CDH7: variants seen among roughly 807,000 people sequenced by gnomAD.
CDH7 encodes cadherin-7.
Under a neutral mutation model 71.8 loss-of-function variants are expected in CDH7, and 25 were observed. That is an observed-to-expected ratio of 0.35 (90% CI 0.25 to 0.49). The LOEUF (loss-of-function observed/expected upper bound fraction) is 0.49, where lower values mean the gene tolerates loss of function less well. CDH7 is among the 20% of genes least tolerant of loss of function. The pLI, the probability that CDH7 is intolerant of heterozygous loss-of-function variation, is 0.99. For synonymous variants in CDH7, 381 were observed against 363.8 expected (o/e 1.05, Z -0.54); for missense variants, 862 against 974.6 (o/e 0.88, Z 1.54).
chr18:65,845,850 G>A (rs1362106501), intron 7 of CDH7, among the ~76,000 whole-genome samples: 1 of 151,980 alleles, frequency 6.6e-6, no homozygotes, highest in Non-Finnish European at 1.5e-5. Flanking sequence ...TTGAGACCAG[G>A]AGTTCTAGAC....
At chr18:65,842,297 A>T (rs898460898) in intron 6 of CDH7, among the ~76,000 whole-genome samples, 2 of 152,112 alleles carry the variant, frequency 1.3e-5, no homozygotes, top group African/African-American at 4.8e-5. Context: ...AGGGCTTCAA[A>T]TCTAGTGGCT....
chr18:65,844,035 A>G lies in CDH7; in HGVS notation c.1205A>G (p.His402Arg). 1 of 1,611,248 alleles carries G rather than the reference A, an allele frequency of 6.2e-7. No homozygotes were observed. The highest frequency in any genetic ancestry group is 8.5e-7 in the Non-Finnish European group (1 of 1,177,700). The change falls in exon 7 of 12, where the codon CAT becomes CGT. Residue 402 changes from histidine to arginine, a missense_variant. By Grantham distance (29) the His-to-Arg change is conservative (BLOSUM62 0). Coordinates refer to ENST00000397968, the MANE Select transcript of CDH7 (RefSeq NM_004361.5). ...AATATCATTGGCACTGTAGCAGCTC[A>G]TGACCCAGATTCTTCCAATAGCCCT... is the stretch of plus-strand genomic sequence containing the variant. ...VGNIIGTVAA[H>R]DPDSSNSPVR...
At chr18:65,764,538 G>T (rs1342984621) in intron 2 of CDH7, among the ~76,000 whole-genome samples, 1 of 151,922 alleles carries the variant, frequency 6.6e-6, no homozygotes, top group African/African-American at 2.4e-5. Context: ...AAATTGAGAG[G>T]AGTAACCGTA....
chr18:65,880,531 G>C lies in CDH7; in HGVS notation c.1995G>C (p.Ala665=), dbSNP rs150661165. ...GCGGGGGAGAGGAGGACACGGAAGC[G>C]TTTGACATGGCTGCACTGAGAAACC... ...DEGGGEEDTE[A]FDMAALRNLN... Residue 665 remains alanine (A), a synonymous_variant, in exon 12 of 12, where the codon GCG becomes GCC. Transcript: ENST00000397968. The C allele has an allele frequency of 1.1e-5, 18 of 1,613,716 alleles. No homozygotes were observed. The highest frequency in any genetic ancestry group is 1.5e-5 in the Non-Finnish European group (18 of 1,179,922).
chr18:65,828,573 T>C (rs969892867), intron 6 of CDH7, among the ~76,000 whole-genome samples: 4 of 152,086 alleles, frequency 2.6e-5, no homozygotes, highest in African/African-American at 9.7e-5. Context: ...AATAGAATAA[T>C]TGTGTTATCA....
rs191394850 is a variant in CDH7 at position 65,763,302 on chromosome 18, A to G, written c.210+250A>G. ...GCTTCATTCCTAGAAACAGATGAGG[A>G]TTCTACAGAGGCCTAGTTTACTCTG... On this transcript the variant is annotated intron_variant, in intron 2 of 11. Coordinates refer to ENST00000397968, the MANE Select transcript of CDH7 (RefSeq NM_004361.5). Among the ~76,000 whole-genome samples, 14 of 152,248 alleles carry G rather than the reference A, an allele frequency of 9.2e-5. No homozygotes were observed. In the East Asian group the frequency reaches 1.7e-3, roughly 19 times the overall value.
intron 4 of CDH7, among the ~76,000 whole-genome samples, chr18:65,814,936 T>C (rs904086941): frequency 1.3e-5 from 2 of 152,190 alleles, no homozygotes; most frequent in African/African-American, 4.8e-5. Context: ...TGGGAAATTA[T>C]ACATGGTAAT....
chr18:65,785,357 T>C (rs1004991222), intron 2 of CDH7, among the ~76,000 whole-genome samples: 1 of 152,110 alleles, frequency 6.6e-6, no homozygotes, highest in Non-Finnish European at 1.5e-5. Flanking sequence ...GTGTTGTAGA[T>C]AAGGTTATGT....
chr18:65,763,594 G>GGGT (rs1491164841), intron 2 of CDH7, among the ~76,000 whole-genome samples: 3 of 99,130 alleles, frequency 3.0e-5, no homozygotes, highest in African/African-American at 9.4e-5. Flanking sequence ...TTGATAGGGG[G>GGGT]GTGTGTGTGT....
intron 2 of CDH7, among the ~76,000 whole-genome samples, chr18:65,766,884 G>A (rs375438237): frequency 6.4e-5 from 4 of 62,572 alleles, no homozygotes; most frequent in Non-Finnish European, 1.4e-4. Flanking sequence ...ACTGTCTGAC[G>A]TAAAAAAAAA....
rs550497734 is a variant in CDH7, at chr18:65,887,829, T to C, written c.*6935T>C. 1 of 152,140 alleles carries C rather than the reference T, an allele frequency of 6.6e-6. No individual in the cohort carries two copies. The highest frequency in any genetic ancestry group is 1.5e-5 in the Non-Finnish European group (1 of 68,024). The allele number at this position is 152,140 out of a possible 1,614,324, so 9.4% of individuals were successfully genotyped here. A position where few individuals can be genotyped will look rare whatever the true frequency, so the allele number is the denominator to read the frequency against. On this transcript the variant is annotated 3_prime_UTR_variant, in exon 12 of 12. Transcript: ENST00000397968. ...GATTTCAGAATTTTTTTTCTCAAAT[T>C]TAGAGGAACGAACAATTCACATTAG... is the stretch of plus-strand genomic sequence containing the variant.
At chr18:65,797,833 A>T (rs1404188689) in intron 2 of CDH7, among the ~76,000 whole-genome samples, 2 of 152,146 alleles carry the variant, frequency 1.3e-5, no homozygotes, top group Non-Finnish European at 1.5e-5. Context: ...TGTCTTTCAA[A>T]ATGATAGTAC....
rs148072575 is a variant in CDH7, at chr18:65,761,042, G to C, written c.-196-1605G>C. Among the ~76,000 whole-genome samples the C allele has an allele frequency of 5.0e-3, 764 of 152,198 alleles. 8 individuals are homozygous for C. Among genetic ancestry groups the C allele is most frequent in the African/African-American group, 0.018 (732 of 41,512 alleles). On this transcript the variant is annotated intron_variant, in intron 1 of 11. Coordinates refer to ENST00000397968, the MANE Select transcript of CDH7 (RefSeq NM_004361.5). ...TGGCCCTCTAGGGTGGTTTCTAAATGGAATAAATTTATTTTTGATCCTTGG... is the reference window on the plus strand; with the variant it reads ...TGGCCCTCTAGGGTGGTTTCTAAATCGAATAAATTTATTTTTGATCCTTGG...
chr18:65,849,186 G>A (rs1913041732), intron 7 of CDH7, among the ~76,000 whole-genome samples: 1 of 151,916 alleles, frequency 6.6e-6, no homozygotes, highest in South Asian at 2.1e-4. Flanking sequence ...GCTCATTTTA[G>A]CATAACTACC....
chr18:65,862,810 A>G lies in CDH7; in HGVS notation c.1757A>G (p.Asp586Gly). 6.2e-7 allele frequency: 1 copy of G among 1,614,168 alleles called. No homozygotes were observed. Among genetic ancestry groups the G allele is most frequent in the Non-Finnish European group, 8.5e-7 (1 of 1,180,020 alleles). Residue 586 changes from aspartate to glycine, a missense_variant, in exon 11 of 12, where the codon GAT becomes GGT. Transcript: ENST00000397968. The stretch of plus-strand genomic sequence containing the variant: ...CTCACCATCCGCGTGTGTGACTGTG[A>G]TGCTGACGGCGTAGCCCAGACCTGC... ...NTLTIRVCDCDADGVAQTCNA... is the reference protein window; with the variant it reads ...NTLTIRVCDCGADGVAQTCNA...
chr18:65,866,498 A>C (rs1304145066), intron 11 of CDH7: 2 of 152,128 alleles, frequency 1.3e-5, no homozygotes, highest in Non-Finnish European at 2.9e-5. Context: ...CCAGAAGTTT[A>C]ATGCTGGAAG....
intron 2 of CDH7, among the ~76,000 whole-genome samples, chr18:65,795,084 G>A (rs1182750404): frequency 6.6e-6 from 1 of 152,030 alleles, no homozygotes; most frequent in East Asian, 1.9e-4. Context: ...AGTAGTGATG[G>A]GATTTTGAAT....
chr18:65,815,638 T>A (rs1038159786), intron 4 of CDH7, among the ~76,000 whole-genome samples: 4 of 152,180 alleles, frequency 2.6e-5, no homozygotes, highest in African/African-American at 9.6e-5. Context: ...ACAGCTTTCA[T>A]AGAGATGGAA....
At chr18:65,810,483 T>C (rs115514390) in intron 3 of CDH7, among the ~76,000 whole-genome samples, 2,320 of 152,278 alleles carry the variant, frequency 0.015, 51 homozygotes, top group African/African-American at 0.052. Flanking sequence ...AATATTTGGA[T>C]TGGCTGTTCT....
Sources: gnomAD v4.1 joint callset for allele counts (sites outside exome capture counted in the v4.1 genomes callset) on GRCh38, gnomAD v4.1.1 for gene constraint, MANE v1.5 for transcripts, NCBI Gene and HGNC (gene_info 2026-07-23, HGNC 2026-07-21) for gene names.